The following SLC10A7 variants were observed in gnomAD, a reference collection of about 807,000 sequenced individuals.
SLC10A7 encodes solute carrier family 10 member 7.
Under a neutral mutation model 43.2 loss-of-function variants are expected in SLC10A7, and 29 were observed. That is an observed-to-expected ratio of 0.67 (90% CI 0.50 to 0.92). The LOEUF is 0.92. Ranked by LOEUF, SLC10A7 falls within the 40% of genes least tolerant of loss-of-function variation. The pLI is 0.00. For missense variants in SLC10A7, 295 were observed against 403.2 expected (o/e 0.73, Z 2.30); for synonymous variants, 152 against 144.8 (o/e 1.05, Z -0.35).
At chr4:146,422,989 C>T (rs1250524169) in intron 5 of SLC10A7, among the ~76,000 whole-genome samples, 1 of 152,062 alleles carries the variant, frequency 6.6e-6, no homozygotes, top group Non-Finnish European at 1.5e-5. Flanking sequence ...CCAGCAGCTA[C>T]ATTGAAAGCA....
chr4:146,503,620 A>C (rs1736622557), intron 4 of SLC10A7, among the ~76,000 whole-genome samples: 1 of 152,046 alleles, frequency 6.6e-6, no homozygotes, highest in East Asian at 1.9e-4. Flanking sequence ...AAAAATCACT[A>C]TCTCTATTTC....
chr4:146,424,865 A>T (rs1729227093), intron 5 of SLC10A7, among the ~76,000 whole-genome samples: 1 of 152,160 alleles, frequency 6.6e-6, no homozygotes. Flanking sequence ...CATTTCTGAA[A>T]GAGTATTATT....
At chr4:146,316,254 A>C (rs1732315516) in intron 6 of SLC10A7, among the ~76,000 whole-genome samples, 1 of 152,078 alleles carries the variant, frequency 6.6e-6, no homozygotes, top group Non-Finnish European at 1.5e-5. Context: ...TATCAAGATA[A>C]TTGAGGTAAT....
At chr4:146,491,967 C>T (rs1052581955) in intron 4 of SLC10A7, among the ~76,000 whole-genome samples, 4 of 152,100 alleles carry the variant, frequency 2.6e-5, no homozygotes, top group Non-Finnish European at 4.4e-5. Context: ...CCTGTAATCC[C>T]AGCACTTTGG....
intron 4 of SLC10A7, among the ~76,000 whole-genome samples, chr4:146,503,473 C>T (rs1378781643): frequency 2.0e-5 from 3 of 152,202 alleles, no homozygotes; most frequent in Non-Finnish European, 4.4e-5. Flanking sequence ...TTTTCCCCAT[C>T]AATTTAGTTT....
intron 5 of SLC10A7, among the ~76,000 whole-genome samples, chr4:146,389,329 A>AC (rs397794039): frequency 6.6e-6 from 1 of 151,292 alleles, no homozygotes; most frequent in Non-Finnish European, 1.5e-5. Context: ...AAAAAAAAAA[A>AC]CATTAAAAGA....
chr4:146,458,376 C>T (rs1246327842), intron 4 of SLC10A7, among the ~76,000 whole-genome samples: 1 of 151,628 alleles, frequency 6.6e-6, no homozygotes, highest in Non-Finnish European at 1.5e-5. Flanking sequence ...CTGTAAAAGA[C>T]TGAGTGTTCC....
At chr4:146,477,355 A>C (rs1025966279) in intron 4 of SLC10A7, among the ~76,000 whole-genome samples, 4 of 152,244 alleles carry the variant, frequency 2.6e-5, no homozygotes, top group Non-Finnish European at 4.4e-5. Flanking sequence ...AATGTTAAAC[A>C]GAAACAAAAA....
chr4:146,446,863 G>A (rs977017722), intron 4 of SLC10A7, among the ~76,000 whole-genome samples: 16 of 151,618 alleles, frequency 1.1e-4, no homozygotes, highest in African/African-American at 3.4e-4. Flanking sequence ...TTTTTATCAC[G>A]TGTATATATT....
intron 7 of SLC10A7, among the ~76,000 whole-genome samples, chr4:146,295,742 C>A (rs1336715170): frequency 6.6e-6 from 1 of 151,988 alleles, no homozygotes; most frequent in Non-Finnish European, 1.5e-5. Context: ...AAACTGGTAG[C>A]TGCCCAAATT....
At position 146,303,469 on chromosome 4, in the gene SLC10A7, C is replaced by T. The variant is rs149415906; in HGVS notation, c.555+2457G>A. 6.7e-3 allele frequency among the ~76,000 whole-genome samples: 1,020 copies of T among 151,474 alleles called. 17 individuals are homozygous for T. The highest frequency in any genetic ancestry group is 0.024 in the African/African-American group (969 of 41,224). ...CTTGACTCACTGCAACCTCCGCCTC[C>T]CAGGTTCAAGTGATTCTCCTGCACC... On this transcript the variant is annotated intron_variant, in intron 7 of 11. Coordinates refer to ENST00000335472, the MANE Select transcript of SLC10A7 (RefSeq NM_001029998.6).
At chr4:146,279,732 G>A (rs1361447074) in intron 10 of SLC10A7, among the ~76,000 whole-genome samples, 1 of 152,092 alleles carries the variant, frequency 6.6e-6, no homozygotes, top group Non-Finnish European at 1.5e-5. Context: ...CGAACTCCAG[G>A]GAATGGCATC....
At chr4:146,445,192 T>C (rs187595231) in intron 4 of SLC10A7, among the ~76,000 whole-genome samples, 1 of 152,268 alleles carries the variant, frequency 6.6e-6, no homozygotes, top group Admixed American at 6.5e-5. Flanking sequence ...TGAAATACCC[T>C]TCCCCCTCTT....
Position 146,495,183 on chromosome 4 carries a change from A to C in SLC10A7, c.396+8666T>G, listed in dbSNP as rs1735776799. ...ATCTGCCAGCTTGCAAGAAGGCTCA[A>C]TGCTGACAATGTTTTTCAGACATAA... On this transcript the variant is annotated intron_variant, in intron 4 of 11. Transcript: ENST00000335472. Among the ~76,000 whole-genome samples the C allele has an allele frequency of 5.3e-5, 8 of 152,184 alleles. No homozygotes were observed. The South Asian group carries it at 1.7e-3, about 31-fold the overall frequency.
At chr4:146,458,751 A>C (rs989987110) in intron 4 of SLC10A7, among the ~76,000 whole-genome samples, 1 of 151,790 alleles carries the variant, frequency 6.6e-6, no homozygotes, top group Non-Finnish European at 1.5e-5. Flanking sequence ...TGAGCTTCTA[A>C]CCACTTTTGA....
chr4:146,513,414 AT>A (rs1737661535), intron 2 of SLC10A7, among the ~76,000 whole-genome samples: 2 of 152,202 alleles, frequency 1.3e-5, no homozygotes, highest in African/African-American at 4.8e-5. Flanking sequence ...TATAAAACAT[AT>A]TTTTTAAAAA....
At chr4:146,391,320 C>A (rs2679129) in intron 5 of SLC10A7, among the ~76,000 whole-genome samples, 124,201 of 152,194 alleles carry the variant, frequency 0.82, 51,389 homozygotes, top group African/African-American at 0.94. Context: ...AATGTCAGGT[C>A]TCCATTTGTG....
chr4:146,330,104 T>C (rs1028197082), intron 5 of SLC10A7, among the ~76,000 whole-genome samples: 2 of 152,176 alleles, frequency 1.3e-5, no homozygotes, highest in African/African-American at 2.4e-5. Context: ...GAAAAAACTT[T>C]CAGAAAATCC....
chr4:146,486,560 G>A (rs908225587), intron 4 of SLC10A7, among the ~76,000 whole-genome samples: 5 of 152,198 alleles, frequency 3.3e-5, no homozygotes, highest in Non-Finnish European at 7.3e-5. Flanking sequence ...TGTGCATGGT[G>A]TCTTACAGTT....
Sources: gnomAD v4.1 joint callset for allele counts (sites outside exome capture counted in the v4.1 genomes callset) on GRCh38, gnomAD v4.1.1 for gene constraint, MANE v1.5 for transcripts, NCBI Gene and HGNC (gene_info 2026-07-23, HGNC 2026-07-21) for gene names.